The following CCSER1 variants were observed in gnomAD, a reference collection of about 807,000 sequenced individuals.
The protein encoded by CCSER1 is coiled-coil serine rich protein 1, also known as serine-rich coiled-coil domain-containing protein 1.
In CCSER1, 41 loss-of-function variants were observed where a neutral mutation model predicts 82.0. That is an observed-to-expected ratio of 0.50 (90% CI 0.39 to 0.65). The LOEUF (loss-of-function observed/expected upper bound fraction) is 0.65, where lower values mean the gene tolerates loss of function less well. Among genes scored for constraint, CCSER1 ranks in the 30% least tolerant of loss-of-function variants. The pLI is 0.00. For missense variants in CCSER1, 1,119 were observed against 1,064.2 expected (o/e 1.05, Z -0.72); for synonymous variants, 414 against 383.9 (o/e 1.08, Z -0.92).
chr4:90,262,485 C>G (rs899192688), intron 1 of CCSER1, among the ~76,000 whole-genome samples: 1 of 152,062 alleles, frequency 6.6e-6, no homozygotes, highest in African/African-American at 2.4e-5. Flanking sequence ...TTCATTGCCC[C>G]ATCGTATGCA....
chr4:91,236,733 A>G (rs1388421257), intron 10 of CCSER1, among the ~76,000 whole-genome samples: 1 of 152,230 alleles, frequency 6.6e-6, no homozygotes, highest in Non-Finnish European at 1.5e-5. Flanking sequence ...AAAAGCTTAT[A>G]TATGGTTCTT....
chr4:90,276,302 CCTTCCTTTCTTTCTTT>C (rs1560930306), intron 1 of CCSER1, among the ~76,000 whole-genome samples: 4 of 115,256 alleles, frequency 3.5e-5, no homozygotes, highest in African/African-American at 1.4e-4. Context: ...TTCCTTCCTT[CCTTCCTTTCTTTCTTT>C]TTCTTTCTTT....
chr4:91,385,703 C>G (rs78678793), intron 10 of CCSER1, among the ~76,000 whole-genome samples: 2,985 of 151,578 alleles, frequency 0.02, 76 homozygotes, highest in African/African-American at 0.067. Context: ...TTTGTTGCCA[C>G]GGGGTAAGGG....
At chr4:90,314,137 C>T (rs969013462) in intron 3 of CCSER1, among the ~76,000 whole-genome samples, 4 of 152,002 alleles carry the variant, frequency 2.6e-5, no homozygotes, top group African/African-American at 9.7e-5. Context: ...ATTTCTTAAT[C>T]CTGGGCAAAT....
At chr4:90,192,783 T>G (rs1297187568) in intron 1 of CCSER1, among the ~76,000 whole-genome samples, 1 of 152,008 alleles carries the variant, frequency 6.6e-6, no homozygotes, top group African/African-American at 2.4e-5. Context: ...GTAAAAAAAT[T>G]TGTGTGTTGT....
At chr4:91,584,400 A>C (rs1033714059) in intron 10 of CCSER1, among the ~76,000 whole-genome samples, 5 of 151,542 alleles carry the variant, frequency 3.3e-5, no homozygotes, top group Non-Finnish European at 5.9e-5. Context: ...GGTAGTATAA[A>C]TTGTTTTTGG....
At chr4:90,620,267 T>C (rs1227266866) in intron 5 of CCSER1, among the ~76,000 whole-genome samples, 1 of 152,012 alleles carries the variant, frequency 6.6e-6, no homozygotes, top group African/African-American at 2.4e-5. Context: ...TGTAACCCTA[T>C]TAAGAGATGA....
At chr4:91,135,054 GTC>G (rs1274948553) in intron 10 of CCSER1, among the ~76,000 whole-genome samples, 1 of 150,316 alleles carries the variant, frequency 6.7e-6, no homozygotes, top group East Asian at 1.9e-4. Flanking sequence ...GAGAGACTCT[GTC>G]TCAAAGAAAA....
intron 8 of CCSER1, among the ~76,000 whole-genome samples, chr4:90,862,756 C>T (rs77020703): frequency 0.013 from 1,916 of 151,886 alleles, 34 homozygotes; most frequent in African/African-American, 0.044. Flanking sequence ...TACTACTACT[C>T]AGCATATTAT....
chr4:91,567,385 G>T (rs1419560035), intron 10 of CCSER1, among the ~76,000 whole-genome samples: 1 of 152,002 alleles, frequency 6.6e-6, no homozygotes, highest in Non-Finnish European at 1.5e-5. Flanking sequence ...GTTATGTAAA[G>T]GTCTATCCAA....
At chr4:90,494,666 T>C (rs867330932) in intron 5 of CCSER1, among the ~76,000 whole-genome samples, 28 of 152,176 alleles carry the variant, frequency 1.8e-4, no homozygotes, top group Non-Finnish European at 8.8e-5. Flanking sequence ...TAAAAACAAA[T>C]GTCTGCAACG....
intron 10 of CCSER1, among the ~76,000 whole-genome samples, chr4:91,286,625 C>G (rs1286863892): frequency 6.6e-6 from 1 of 151,610 alleles, no homozygotes; most frequent in South Asian, 2.1e-4. Context: ...AAGATGTGAC[C>G]CATAGATTAT....
At chr4:91,437,103 C>A (rs932328402) in intron 10 of CCSER1, among the ~76,000 whole-genome samples, 2 of 152,052 alleles carry the variant, frequency 1.3e-5, no homozygotes, top group East Asian at 1.9e-4. Flanking sequence ...AGTGTCCTTG[C>A]CTTTGCATTT....
intron 10 of CCSER1, among the ~76,000 whole-genome samples, chr4:91,428,927 A>G (rs895525003): frequency 6.6e-5 from 10 of 151,998 alleles, no homozygotes; most frequent in Admixed American, 1.3e-4. Context: ...ATATCTATTT[A>G]TATGTGCCAA....
Position 90,171,370 on chromosome 4 carries a change from C to T in CCSER1, c.-42+43539C>T, listed in dbSNP as rs375843903. Among the ~76,000 whole-genome samples, 8 of 151,896 alleles carry T rather than the reference C, an allele frequency of 5.3e-5. No individual in the cohort carries two copies. In the East Asian group the frequency reaches 1.5e-3, roughly 29 times the overall value. On this transcript the variant is annotated intron_variant, in intron 1 of 10. Coordinates refer to ENST00000509176, the MANE Select transcript of CCSER1 (RefSeq NM_001145065.2). ...AATATTTATTGTGCCAAACTGCCCA[C>T]ATGAAAACAGAATAAATATTTGTGA... is the stretch of plus-strand genomic sequence containing the variant.
intron 4 of CCSER1, among the ~76,000 whole-genome samples, chr4:90,465,320 C>CTTT (rs1157811263): frequency 1.5e-5 from 2 of 131,954 alleles, no homozygotes; most frequent in Admixed American, 7.8e-5. Flanking sequence ...TTTCCGTGTT[C>CTTT]TTTTTTTTTT....
chr4:91,524,707 A>G (rs763114442), intron 10 of CCSER1, among the ~76,000 whole-genome samples: 11 of 152,200 alleles, frequency 7.2e-5, no homozygotes, highest in Non-Finnish European at 1.3e-4. Context: ...GTTATTTACA[A>G]CAATTAGCCA....
chr4:90,862,115 T>C (rs116535882), intron 8 of CCSER1, among the ~76,000 whole-genome samples: 1,527 of 151,726 alleles, frequency 0.01, 14 homozygotes, highest in Non-Finnish European at 0.017. Flanking sequence ...ACATAAAAAC[T>C]TTGTAGAACA....
chr4:90,986,316 GATGTTTTTAATACACACTA>G (rs1736576264), intron 9 of CCSER1, among the ~76,000 whole-genome samples: 1 of 151,630 alleles, frequency 6.6e-6, no homozygotes, highest in African/African-American at 2.4e-5. Context: ...TTTTAACCTT[GATGTTTTTAATACACACTA>G]ATATTCGTGA....
Sources: allele counts gnomAD v4.1 joint callset (sites outside exome capture counted in the v4.1 genomes callset), GRCh38; gene constraint gnomAD v4.1.1; transcripts MANE v1.5; gene names NCBI Gene and HGNC (gene_info 2026-07-23, HGNC 2026-07-21).